The following MTUS2 variants were observed in gnomAD, a reference collection of about 807,000 sequenced individuals.
MTUS2 encodes the protein microtubule-associated tumor suppressor candidate 2.
In MTUS2, 40 loss-of-function variants were observed where a neutral mutation model predicts 114.1. That is an observed-to-expected ratio of 0.35 (90% CI 0.27 to 0.46). The LOEUF is 0.46. Among genes scored for constraint, MTUS2 ranks in the 20% least tolerant of loss-of-function variants. The pLI is 1.00. For synonymous variants in MTUS2, 688 were observed against 672.0 expected, an observed-to-expected ratio of 1.02 and a Z score of -0.37; for missense variants, 1,679 against 1,705.4, an observed-to-expected ratio of 0.98 and a Z score of 0.27.
chr13:29,420,285 T>C (rs1471893564), intron 8 of MTUS2, among the ~76,000 whole-genome samples: 1 of 148,652 alleles, frequency 6.7e-6, no homozygotes, highest in Non-Finnish European at 1.5e-5. Context: ...TTTCTTTCCT[T>C]TTTTTTTTTT....
intron 7 of MTUS2, among the ~76,000 whole-genome samples, chr13:29,355,105 C>G (rs7987830): frequency 0.074 from 11,314 of 152,252 alleles, 1,416 homozygotes; most frequent in African/African-American, 0.26. Context: ...AAAATTAAAC[C>G]AAGCTTTTTC....
At chr13:29,230,489 A>G (rs890039253) in intron 5 of MTUS2, among the ~76,000 whole-genome samples, 10 of 152,210 alleles carry the variant, frequency 6.6e-5, no homozygotes, top group Non-Finnish European at 1.5e-4. Context: ...GTTTTGCTTC[A>G]TGCTGGCATT....
At chr13:28,934,148 A>G (rs957280267) in intron 2 of MTUS2, among the ~76,000 whole-genome samples, 1 of 152,236 alleles carries the variant, frequency 6.6e-6, no homozygotes, top group African/African-American at 2.4e-5. Context: ...AAGTAAATCT[A>G]TTGTACATGC....
At chr13:28,892,331 A>G (rs1878982523) in intron 2 of MTUS2, among the ~76,000 whole-genome samples, 1 of 152,186 alleles carries the variant, frequency 6.6e-6, no homozygotes, top group South Asian at 2.1e-4. Context: ...TGCTGGAGCC[A>G]TCCTGAGGTC....
rs111717305 is a variant in MTUS2, at chr13:28,989,229, G to A, written c.-242-35228G>A. Among the ~76,000 whole-genome samples the A allele has an allele frequency of 3.6e-3, 542 of 152,280 alleles. 3 individuals carry two copies. Among genetic ancestry groups the A allele is most frequent in the African/African-American group, 0.012 (518 of 41,544 alleles). ...TATGTGAAAGAGCCACAGAGTCCAG[G>A]CAGGCTCAGGAAAATGGTTGCTTAG... On this transcript the variant is annotated intron_variant, in intron 2 of 15. Transcript: ENST00000612955.
intron 5 of MTUS2, among the ~76,000 whole-genome samples, chr13:29,260,420 C>G (rs1897427582): frequency 2.6e-5 from 4 of 152,202 alleles, no homozygotes; most frequent in Admixed American, 2.0e-4. Context: ...TACTACTGAA[C>G]AGTCATGAAC....
rs553440845 is a variant in MTUS2 at position 28,823,767 on chromosome 13, G to T, written c.-316+3156G>T. 2.6e-5 allele frequency among the ~76,000 whole-genome samples: 4 copies of T among 152,312 alleles called. No homozygotes were observed. The East Asian group carries it at 7.7e-4, about 29-fold the overall frequency. ...ACCCAAGACTGGGTAATATATAAAG[G>T]AAAGAGGTTTAATTGACTCATATAG... On this transcript the variant is annotated intron_variant, in intron 1 of 15. Coordinates refer to ENST00000612955, the MANE Select transcript of MTUS2 (RefSeq NM_001033602.4).
chr13:29,017,714 A>T (rs542851231), intron 2 of MTUS2, among the ~76,000 whole-genome samples: 1 of 151,864 alleles, frequency 6.6e-6, no homozygotes, highest in African/African-American at 2.4e-5. Flanking sequence ...AAAAAAAAAA[A>T]AACTCACATT....
At chr13:29,062,602 A>AT (rs370923685) in intron 4 of MTUS2, among the ~76,000 whole-genome samples, 2,110 of 150,046 alleles carry the variant, frequency 0.014, 21 homozygotes, top group Middle Eastern at 0.027. Context: ...ATTACACTCC[A>AT]TTTTTTTTTC....
At chr13:29,334,568 C>G (rs781165451) in intron 7 of MTUS2, among the ~76,000 whole-genome samples, 6 of 152,178 alleles carry the variant, frequency 3.9e-5, no homozygotes, top group Non-Finnish European at 8.8e-5. Flanking sequence ...GCAGAGAGAT[C>G]TGCTGTTATT....
chr13:29,182,646 T>G (rs932273586), intron 5 of MTUS2, among the ~76,000 whole-genome samples: 3 of 152,242 alleles, frequency 2.0e-5, no homozygotes, highest in Non-Finnish European at 4.4e-5. Flanking sequence ...CAAGTTTACT[T>G]TCTAGCAGAA....
chr13:29,009,734 TTTC>T (rs981747980), intron 2 of MTUS2, among the ~76,000 whole-genome samples: 2 of 120,340 alleles, frequency 1.7e-5, no homozygotes, highest in Non-Finnish European at 3.6e-5. Flanking sequence ...TTTAAAAGGT[TTTC>T]TTATGTTTTC....
intron 5 of MTUS2, among the ~76,000 whole-genome samples, chr13:29,173,755 T>C (rs1338461855): frequency 6.6e-6 from 1 of 152,148 alleles, no homozygotes; most frequent in Non-Finnish European, 1.5e-5. Flanking sequence ...ATTGCTCTTC[T>C]CACTTTTATT....
chr13:29,333,812 T>G (rs4304892), intron 7 of MTUS2, among the ~76,000 whole-genome samples: 122,845 of 151,952 alleles, frequency 0.81, 50,569 homozygotes, highest in East Asian at 0.9. Context: ...CTATTATTTT[T>G]TGGGAGTCTA....
rs2138898556 is a variant in MTUS2, at chr13:29,480,721, G to C, written c.3399+357G>C. ...CCCCAACCACATACACACTCTTTCT[G>C]TCCCCCTCCCAGTATTAGTGTTCCT... On this transcript the variant is annotated intron_variant, in intron 10 of 15. Coordinates refer to ENST00000612955, the MANE Select transcript of MTUS2 (RefSeq NM_001033602.4). This position sits in a 1 kb window ranked among gnomAD's most constrained non-coding sequence, Gnocchi z 4.4. Among the ~76,000 whole-genome samples the C allele has an allele frequency of 6.6e-6, 1 of 150,900 alleles. No individual in the cohort carries two copies. Among genetic ancestry groups the C allele is most frequent in the South Asian group, 2.1e-4 (1 of 4,760 alleles).
intron 9 of MTUS2, among the ~76,000 whole-genome samples, chr13:29,461,281 T>C (rs576250976): frequency 1.3e-5 from 2 of 152,318 alleles, no homozygotes; most frequent in African/African-American, 2.4e-5. Flanking sequence ...CATTAATCTA[T>C]ATATGGAGGG....
chr13:29,387,904 A>G (rs184803248), intron 8 of MTUS2, among the ~76,000 whole-genome samples: 1 of 152,226 alleles, frequency 6.6e-6, no homozygotes, highest in Admixed American at 6.5e-5. Context: ...CAGTTACTCA[A>G]AGGAAGACTA....
intron 5 of MTUS2, among the ~76,000 whole-genome samples, chr13:29,194,713 A>G (rs1365056045): frequency 6.6e-6 from 1 of 150,632 alleles, no homozygotes; most frequent in Non-Finnish European, 1.5e-5. Context: ...TAGAACTAGA[A>G]ATACCATTTG....
chr13:29,432,634 C>CTCCCCTGAAA (rs910567157), intron 8 of MTUS2, among the ~76,000 whole-genome samples: 9 of 152,180 alleles, frequency 5.9e-5, no homozygotes, highest in African/African-American at 2.2e-4. Context: ...CATATCCCCG[C>CTCCCCTGAAA]TCCCCTGAAA....
Sources: gnomAD v4.1 joint callset for allele counts (sites outside exome capture counted in the v4.1 genomes callset) on GRCh38, gnomAD v4.1.1 for gene constraint, Gnocchi (gnomAD v3.1) non-coding constraint, MANE v1.5 for transcripts, NCBI Gene and HGNC (gene_info 2026-07-23, HGNC 2026-07-21) for gene names.